Variants in VPS53 observed in about 807,000 individuals in gnomAD.
VPS53 encodes VPS53 subunit of GARP complex, also known as vacuolar protein sorting-associated protein 53 homolog.
VPS53 carries 70 observed loss-of-function variants against 107.0 expected under a neutral mutation model. The ratio of observed to expected loss-of-function variants is 0.65; its 90% CI spans 0.54 to 0.80. VPS53 has a LOEUF of 0.80. VPS53 is among the 30% of genes least tolerant of loss of function. The probability of loss-of-function intolerance (pLI) is 0.00; values close to 1 mark genes in which losing one functional copy is unlikely to be tolerated. For synonymous variants in VPS53, 409 were observed against 393.3 expected, an observed-to-expected ratio of 1.04 and a Z score of -0.47; for missense variants, 917 against 1,049.4, an observed-to-expected ratio of 0.87 and a Z score of 1.74.
At chr17:598,470 A>G (rs929056768) in intron 12 of VPS53, among the ~76,000 whole-genome samples, 1 of 150,926 alleles carries the variant, frequency 6.6e-6, no homozygotes, top group Non-Finnish European at 1.5e-5. Context: ...CAGTCTGGAA[A>G]GTGAGGAGCG....
intron 15 of VPS53, among the ~76,000 whole-genome samples, chr17:555,440 A>AC (rs758809098): frequency 6.6e-6 from 1 of 151,340 alleles, no homozygotes; most frequent in Non-Finnish European, 1.5e-5. Context: ...CTCGTGATCT[A>AC]CCCGCCTCAG....
intron 11 of VPS53, among the ~76,000 whole-genome samples, chr17:607,099 G>C (rs571819303): frequency 1.3e-5 from 2 of 152,180 alleles, no homozygotes; most frequent in African/African-American, 4.8e-5. Flanking sequence ...GGCTCAGCAA[G>C]GGGAAGCTTT....
intron 13 of VPS53, among the ~76,000 whole-genome samples, chr17:574,088 T>A (rs1002101635): frequency 8.5e-5 from 13 of 152,208 alleles, no homozygotes; most frequent in African/African-American, 3.1e-4. Flanking sequence ...GGGCATTATT[T>A]TGTCTGACTA....
At chr17:569,565 A>G (rs1913848667) in intron 13 of VPS53, among the ~76,000 whole-genome samples, 1 of 152,214 alleles carries the variant, frequency 6.6e-6, no homozygotes. Flanking sequence ...GGGAGAAGTG[A>G]CAGCTTTTCT....
chr17:530,044 C>T (rs1383949393), intron 19 of VPS53, among the ~76,000 whole-genome samples: 1 of 151,652 alleles, frequency 6.6e-6, no homozygotes, highest in Admixed American at 6.6e-5. Context: ...AAAAGTATTT[C>T]ACTCAAAAAT....
chr17:705,496 G>A (rs1024854343), intron 2 of VPS53: 6 of 152,468 alleles, frequency 3.9e-5, no homozygotes, highest in African/African-American at 1.4e-4. Context: ...CAGCACTTTG[G>A]GAGGCTGGGG....
intron 17 of VPS53, among the ~76,000 whole-genome samples, chr17:551,363 T>G (rs1277916505): frequency 1.3e-5 from 2 of 151,928 alleles, no homozygotes; most frequent in Non-Finnish European, 2.9e-5. Context: ...CGCCAGGAGT[T>G]CAGGACCAGC....
chr17:533,008 T>C (rs1207222131), intron 18 of VPS53, 97 bp from the exon 19 acceptor site: 9 of 1,504,922 alleles, frequency 6.0e-6, no homozygotes, highest in African/African-American at 1.4e-5. Flanking sequence ...GAAAAAACCT[T>C]TTTTAATGAA....
At chr17:708,290 G>C (rs1040594769) in intron 2 of VPS53, among the ~76,000 whole-genome samples, 9 of 152,176 alleles carry the variant, frequency 5.9e-5, no homozygotes, top group African/African-American at 1.7e-4. Context: ...TGATTGACAA[G>C]GTCAAGCAAG....
chr17:612,081 T>C (rs377162433), intron 11 of VPS53, among the ~76,000 whole-genome samples: 18 of 150,538 alleles, frequency 1.2e-4, no homozygotes, highest in East Asian at 7.9e-4. Context: ...AATATTCACA[T>C]AGTGAGTTCA....
At chr17:647,268 T>G in intron 7 of VPS53, among the ~76,000 whole-genome samples, 1 of 152,234 alleles carries the variant, frequency 6.6e-6, no homozygotes, top group East Asian at 1.9e-4. Context: ...CTATGCCTTG[T>G]ACAGCATATA....
At chr17:612,853 T>A (rs1214817777) in intron 11 of VPS53, among the ~76,000 whole-genome samples, 21 of 148,636 alleles carry the variant, frequency 1.4e-4, no homozygotes, top group African/African-American at 2.5e-4. Flanking sequence ...CACAGCAGTA[T>A]TCAAATAGTG....
intron 20 of VPS53, among the ~76,000 whole-genome samples, chr17:521,089 A>G (rs1908718374): frequency 6.6e-6 from 1 of 152,242 alleles, no homozygotes; most frequent in Non-Finnish European, 1.5e-5. Flanking sequence ...AATAGCTGGA[A>G]ACCAGAGGCA....
At chr17:610,379 C>T (rs1968804930) in intron 11 of VPS53, among the ~76,000 whole-genome samples, 2 of 152,078 alleles carry the variant, frequency 1.3e-5, no homozygotes, top group East Asian at 1.9e-4. Flanking sequence ...GAAATTAACT[C>T]AAAATGGATC....
At chr17:666,970 T>C (rs1021660009) in intron 4 of VPS53, among the ~76,000 whole-genome samples, 1 of 151,960 alleles carries the variant, frequency 6.6e-6, no homozygotes, top group African/African-American at 2.4e-5. Context: ...GGGAAGTTGT[T>C]GGTGACCTTG....
rs1345570705 is a variant in VPS53 at position 518,931 on chromosome 17, C to G, written c.*197G>C. 1 of 569,790 alleles carries G rather than the reference C, an allele frequency of 1.8e-6. No homozygotes were observed. Among genetic ancestry groups the G allele is most frequent in the African/African-American group, 1.9e-5 (1 of 52,296 alleles). 35.3% of individuals were successfully genotyped at this position (569,790 alleles called of 1,614,324 possible). On this transcript the variant is annotated 3_prime_UTR_variant, in exon 22 of 22. Coordinates refer to ENST00000437048, the MANE Select transcript of VPS53 (RefSeq NM_001128159.3). The stretch of plus-strand genomic sequence containing the variant: ...GATCACCTAAATCGCCCTCTTAGAG[C>G]CCAGCCCTTACTCAGCGTCTCCGAT...
intron 10 of VPS53, 97 bp from the exon 11 acceptor site, chr17:623,771 A>G: frequency 7.4e-7 from 1 of 1,346,546 alleles, no homozygotes; most frequent in Non-Finnish European, 9.9e-7. Flanking sequence ...GAAAAAAAAA[A>G]TGTATGTGGT....
chr17:569,371 A>G (rs1262301489), intron 13 of VPS53, among the ~76,000 whole-genome samples: 2 of 152,248 alleles, frequency 1.3e-5, no homozygotes, highest in African/African-American at 4.8e-5. Flanking sequence ...CTGTGGTTAT[A>G]TAAGATGTCA....
intron 13 of VPS53, among the ~76,000 whole-genome samples, chr17:582,855 C>G (rs1200271702): frequency 6.6e-6 from 1 of 151,944 alleles, no homozygotes; most frequent in Non-Finnish European, 1.5e-5. Context: ...AGAGAACTTC[C>G]CTCAGGACCT....
Sources: gnomAD v4.1 joint callset for allele counts (sites outside exome capture counted in the v4.1 genomes callset) on GRCh38, gnomAD v4.1.1 for gene constraint, MANE v1.5 for transcripts, NCBI Gene and HGNC (gene_info 2026-07-23, HGNC 2026-07-21) for gene names.